Variants in CEP290 observed in about 807,000 individuals in gnomAD.
The protein encoded by CEP290 is centrosomal protein of 290 kDa.
Under a neutral mutation model 344.9 loss-of-function variants are expected in CEP290, and 317 were observed. That is an observed-to-expected ratio of 0.92 (90% CI 0.84 to 1.01). The LOEUF (loss-of-function observed/expected upper bound fraction) is 1.01, where lower values mean the gene tolerates loss of function less well. CEP290 is among the 50% of genes least tolerant of loss of function. CEP290 has a pLI of 0.00. For synonymous variants in CEP290, 932 were observed against 895.8 expected (o/e 1.04, Z -0.72); for missense variants, 2,754 against 2,761.4 (o/e 1.00, Z 0.06).
At chr12:88,061,645 G>T (rs1011791448) in intron 46 of CEP290, among the ~76,000 whole-genome samples, 2 of 152,036 alleles carry the variant, frequency 1.3e-5, no homozygotes, top group African/African-American at 4.8e-5. Flanking sequence ...GAATAATCCT[G>T]AAATATAAAC....
rs1225633336 is a variant in CEP290 at position 88,129,642 on chromosome 12, A to C, written c.852+52T>G. 21 of 1,047,056 alleles carry C rather than the reference A, an allele frequency of 2.0e-5. No homozygotes were observed. In the East Asian group the frequency reaches 6.2e-4, roughly 31 times the overall value. The allele number at this position is 1,047,056 out of a possible 1,614,324, so 64.9% of individuals were successfully genotyped here. A position where few individuals can be genotyped will look rare whatever the true frequency, so the allele number is the denominator to read the frequency against. ...ACTTTCTAGTGTCAAATAAATAGTA[A>C]TGAGATAATATGAAGTCTGAATAAA... On this transcript the variant is annotated intron_variant, in intron 10 of 53. Coordinates refer to ENST00000552810, the MANE Select transcript of CEP290 (RefSeq NM_025114.4).
intron 22 of CEP290, among the ~76,000 whole-genome samples, chr12:88,110,640 T>C (rs998533159): frequency 6.6e-6 from 1 of 151,708 alleles, no homozygotes. Flanking sequence ...ACTCAGGAGG[T>C]GGAAGTTGCA....
intron 33 of CEP290, 90 bp from the exon 34 acceptor site, chr12:88,086,263 A>C (rs2036565847): frequency 6.7e-7 from 1 of 1,494,806 alleles, no homozygotes; most frequent in African/African-American, 1.4e-5. Flanking sequence ...AACATAGATT[A>C]AACCCCTCTT....
intron 20 of CEP290, among the ~76,000 whole-genome samples, chr12:88,112,102 G>A (rs1311663854): frequency 6.6e-6 from 1 of 152,060 alleles, no homozygotes; most frequent in East Asian, 1.9e-4. Flanking sequence ...TTAATAGACT[G>A]GTAGACTAGA....
At chr12:88,079,048 G>T in intron 39 of CEP290, 44 bp downstream of exon 39, 1 of 1,477,888 alleles carries the variant, frequency 6.8e-7, no homozygotes, top group Non-Finnish European at 9.0e-7. Context: ...CTTCCAATAG[G>T]AATTATCAGA....
At chr12:88,093,662 TTAA>T in intron 28 of CEP290, 105 bp downstream of exon 28, 1 of 761,840 alleles carries the variant, frequency 1.3e-6, no homozygotes, top group South Asian at 1.7e-5. Context: ...AGGCACTATA[TTAA>T]TAAGATATTT....
In CEP290 at chr12:88,083,952, C is replaced by A. The variant is rs376242512; in HGVS notation, c.4707G>T (p.Glu1569Asp). Reference sequence around the variant, plus strand: ...CATGTTTCTTCACAATTTCTCTTTGCTCCTGTTTTACAGAAAATCGAAACT... The same window carrying A: ...CATGTTTCTTCACAATTTCTCTTTGATCCTGTTTTACAGAAAATCGAAACT... ...YQRLLEKARE[E>D]QREIVKKHEE... The change falls in exon 36 of 54, where the codon GAG becomes GAT. Residue 1569 changes from glutamate to aspartate, a missense_variant and splice_region_variant. By Grantham distance (45) the Glu-to-Asp change is conservative (BLOSUM62 2). Transcript: ENST00000552810. The A allele has an allele frequency of 6.3e-7, 1 of 1,576,836 alleles. No homozygotes were observed. The highest frequency in any genetic ancestry group is 2.3e-5 in the East Asian group (1 of 44,372).
At chr12:88,064,645 C>CA (rs1160738072) in intron 44 of CEP290, among the ~76,000 whole-genome samples, 2 of 152,004 alleles carry the variant, frequency 1.3e-5, no homozygotes, top group Non-Finnish European at 2.9e-5. Context: ...GGGATTTAGA[C>CA]ACAGAGACAT....
intron 3 of CEP290, among the ~76,000 whole-genome samples, chr12:88,139,766 C>A (rs148113153): frequency 1.3e-5 from 2 of 152,226 alleles, no homozygotes; most frequent in African/African-American, 4.8e-5. Context: ...CTCACTTTGT[C>A]ACCCAGGCTG....
chr12:88,131,119 T>A, intron 7 of CEP290, 46 bp downstream of exon 7: 1 of 1,375,548 alleles, frequency 7.3e-7, no homozygotes, highest in Non-Finnish European at 9.7e-7. Context: ...GTACTTATTT[T>A]AATAAGTACC....
chr12:88,054,653 A>G (rs2033855765), intron 50 of CEP290, among the ~76,000 whole-genome samples: 1 of 152,176 alleles, frequency 6.6e-6, no homozygotes, highest in African/African-American at 2.4e-5. Context: ...TCCATCTTGC[A>G]TGGTCCTTGT....
chr12:88,137,282 C>T lies in CEP290; in HGVS notation c.298-496G>A, dbSNP rs115566675. Among the ~76,000 whole-genome samples the T allele has an allele frequency of 7.5e-3, 1,147 of 152,254 alleles. 20 individuals are homozygous for T. The highest frequency in any genetic ancestry group is 0.026 in the African/African-American group (1,100 of 41,542). On this transcript the variant is annotated intron_variant, in intron 5 of 53. Transcript: ENST00000552810. The stretch of plus-strand genomic sequence containing the variant: ...GCCACTCGCTACATGTAGCTATGTT[C>T]GGGCATTTGAAGTGTGGCTAGTGCA...
chr12:88,141,373 C>T (rs1233853856), intron 1 of CEP290, 39 bp from the exon 2 acceptor site: 6 of 1,047,120 alleles, frequency 5.7e-6, no homozygotes, highest in Non-Finnish European at 8.4e-6. Flanking sequence ...TTTCAAGGTA[C>T]ACAGTATTAT....
intron 53 of CEP290, 115 bp from the exon 54 acceptor site, chr12:88,049,529 C>G: frequency 1.6e-6 from 1 of 644,072 alleles, no homozygotes; most frequent in South Asian, 2.0e-5. Flanking sequence ...TGGTCAAATA[C>G]AGCAATAAAG....
At position 88,070,856 on chromosome 12, in the gene CEP290, C is replaced by T. The variant is rs542458120; in HGVS notation, c.6011+438G>A. 2.6e-5 allele frequency among the ~76,000 whole-genome samples: 4 copies of T among 152,118 alleles called. No individual in the cohort carries two copies. The South Asian group carries it at 8.3e-4, about 32-fold the overall frequency. ...ACTCTTGAGCTGCAAATGTATGGAT[C>T]GATCCTAATCAGAATACCAAAGTTT... On this transcript the variant is annotated intron_variant, in intron 43 of 53. Transcript: ENST00000552810.
intron 26 of CEP290, among the ~76,000 whole-genome samples, chr12:88,100,631 A>G (rs1344058891): frequency 2.0e-5 from 3 of 152,212 alleles, no homozygotes; most frequent in African/African-American, 4.8e-5. Flanking sequence ...CAAAAGACTT[A>G]TATTCCATTA....
rs1224624148 is a variant in CEP290 at position 88,089,074 on chromosome 12, T to C, written c.3987A>G (p.Glu1329=). ...LEMELKLKGL[E]ELISTLKDTK... ...TATCCTTTAAAGTGCTTATTAACTC[T>C]TCCAGGCCCTTTAATTTTAATTCCA... The change falls in exon 31 of 54, where the codon GAA becomes GAG. Residue 1329 remains glutamate (E), a synonymous_variant. Transcript: ENST00000552810. 1.3e-6 allele frequency: 2 copies of C among 1,536,980 alleles called. No homozygotes were observed. The highest frequency in any genetic ancestry group is 8.7e-7 in the Non-Finnish European group (1 of 1,147,144).
At chr12:88,137,115 A>G (rs1291551149) in intron 5 of CEP290, among the ~76,000 whole-genome samples, 1 of 152,030 alleles carries the variant, frequency 6.6e-6, no homozygotes, top group Non-Finnish European at 1.5e-5. Flanking sequence ...CTGAGTACAA[A>G]CCATCAGAAT....
intron 29 of CEP290, among the ~76,000 whole-genome samples, chr12:88,091,181 T>G (rs1592864781): frequency 6.6e-6 from 1 of 152,322 alleles, no homozygotes; most frequent in Admixed American, 6.5e-5. Flanking sequence ...GCCAAAGAAC[T>G]TCTGTTCCCA....
Sources: allele counts gnomAD v4.1 joint callset (sites outside exome capture counted in the v4.1 genomes callset), GRCh38; gene constraint gnomAD v4.1.1; transcripts MANE v1.5; gene names NCBI Gene and HGNC (gene_info 2026-07-23, HGNC 2026-07-21).